Variants in RELN observed in about 807,000 individuals in gnomAD.
The protein encoded by RELN is reelin.
RELN carries 108 observed loss-of-function variants against 427.6 expected under a neutral mutation model. That is an observed-to-expected ratio of 0.25 (90% CI 0.22 to 0.30). The LOEUF (loss-of-function observed/expected upper bound fraction) is 0.30, where lower values mean the gene tolerates loss of function less well. Among genes scored for constraint, RELN ranks in the 10% least tolerant of loss-of-function variants. RELN has a pLI of 1.00. For missense variants in RELN, 3,715 were observed against 4,302.8 expected, an observed-to-expected ratio of 0.86 and a Z score of 3.82; for synonymous variants, 1,524 against 1,513.4, an observed-to-expected ratio of 1.01 and a Z score of -0.16.
At chr7:103,544,409 T>G (rs571015113) in intron 42 of RELN, among the ~76,000 whole-genome samples, 1 of 151,748 alleles carries the variant, frequency 6.6e-6, no homozygotes, top group Admixed American at 6.6e-5. Flanking sequence ...GTATTTTTAG[T>G]AGAGATGGGG....
intron 2 of RELN, among the ~76,000 whole-genome samples, chr7:103,903,445 G>C (rs1563080681): frequency 6.6e-6 from 1 of 152,026 alleles, no homozygotes; most frequent in South Asian, 2.1e-4. Flanking sequence ...CTGTGTTCCT[G>C]TTCATTCTCT....
At position 103,620,135 on chromosome 7, in the gene RELN, T is replaced by C. The variant is rs1832184169; in HGVS notation, c.2703-8332A>G. ...GATGGGTTCACCCATACTGTTCTCA[T>C]GGTAGTGGGTAAGTCTCATGAGAAC... On this transcript the variant is annotated intron_variant, in intron 20 of 64. Coordinates refer to ENST00000428762, the MANE Select transcript of RELN (RefSeq NM_005045.4). The surrounding 1 kb of genome is among the most constrained non-coding windows in gnomAD (Gnocchi z 4.1). Among the ~76,000 whole-genome samples, 1 of 152,160 alleles carries C rather than the reference T, an allele frequency of 6.6e-6. No individual in the cohort carries two copies. Among genetic ancestry groups the C allele is most frequent in the Non-Finnish European group, 1.5e-5 (1 of 68,012 alleles).
At chr7:103,933,875 T>G (rs543695540) in intron 1 of RELN, among the ~76,000 whole-genome samples, 15 of 152,218 alleles carry the variant, frequency 9.9e-5, no homozygotes, top group African/African-American at 3.4e-4. Flanking sequence ...GTTGTTGTTG[T>G]TTTCCACTTT....
At position 103,487,808 on chromosome 7, in the gene RELN, G is replaced by A. The variant is rs562515487; in HGVS notation, c.9764-1392C>T. On this transcript the variant is annotated intron_variant, in intron 60 of 64. Coordinates refer to ENST00000428762, the MANE Select transcript of RELN (RefSeq NM_005045.4). Reference sequence around the variant, plus strand: ...AAGAGCAGTGTCTATATTTTAACTCGTTGGATTCCAGCACCTAAAACAATA... The same window carrying A: ...AAGAGCAGTGTCTATATTTTAACTCATTGGATTCCAGCACCTAAAACAATA... 6.8e-4 allele frequency among the ~76,000 whole-genome samples: 104 copies of A among 152,250 alleles called. 1 individual carries two copies. Among genetic ancestry groups the A allele is most frequent in the Non-Finnish European group, 1.0e-3 (70 of 68,026 alleles).
chr7:103,611,938 T>C, intron 20 of RELN, 135 bp from the exon 21 acceptor site: 1 of 732,728 alleles, frequency 1.4e-6, no homozygotes, highest in Non-Finnish European at 2.3e-6. Flanking sequence ...CTAGAATGGA[T>C]TTCGGTCAAT....
At chr7:103,892,605 T>C (rs1794874716) in intron 2 of RELN, among the ~76,000 whole-genome samples, 1 of 152,194 alleles carries the variant, frequency 6.6e-6, no homozygotes, top group Non-Finnish European at 1.5e-5. Flanking sequence ...TTTTGGAGTC[T>C]TTAGAGATTT....
chr7:103,622,577 A>G (rs938388614), intron 20 of RELN, among the ~76,000 whole-genome samples: 6 of 152,184 alleles, frequency 3.9e-5, no homozygotes, highest in African/African-American at 9.7e-5. Flanking sequence ...CTATGAAGCT[A>G]TATGATCTAG....
chr7:103,717,474 A>AT (rs1328456755), intron 8 of RELN, among the ~76,000 whole-genome samples: 6 of 143,194 alleles, frequency 4.2e-5, no homozygotes, highest in East Asian at 2.0e-4. Context: ...TATTCCATAT[A>AT]TAAAACAAAA....
intron 41 of RELN, among the ~76,000 whole-genome samples, chr7:103,548,216 T>C (rs1048046225): frequency 6.6e-6 from 1 of 152,242 alleles, no homozygotes; most frequent in Admixed American, 6.5e-5. Context: ...AAATGGACTA[T>C]ATATGTAGAA....
chr7:103,714,731 C>T (rs1006843717), intron 8 of RELN, among the ~76,000 whole-genome samples: 1 of 152,110 alleles, frequency 6.6e-6, no homozygotes, highest in Non-Finnish European at 1.5e-5. Flanking sequence ...GTTACTGTAT[C>T]GGATAATGCT....
intron 3 of RELN, among the ~76,000 whole-genome samples, chr7:103,826,410 T>C (rs1165805633): frequency 7.3e-5 from 11 of 150,804 alleles, no homozygotes; most frequent in Middle Eastern, 3.2e-3. Flanking sequence ...GCAAAATAAG[T>C]TCTTTAAAAA....
intron 14 of RELN, among the ~76,000 whole-genome samples, 183 bp from the exon 15 acceptor site, chr7:103,651,972 C>T (rs1285963042): frequency 6.6e-6 from 1 of 152,026 alleles, no homozygotes; most frequent in African/African-American, 2.4e-5. Context: ...TTTCAAAGGG[C>T]AATCAGTTAA....
At chr7:103,815,464 T>C (rs1308837691) in intron 3 of RELN, among the ~76,000 whole-genome samples, 4 of 152,186 alleles carry the variant, frequency 2.6e-5, no homozygotes, top group Non-Finnish European at 5.9e-5. Flanking sequence ...AAGTTATCTA[T>C]GAAAATTTAA....
At chr7:103,797,112 C>T (rs1177170979) in intron 3 of RELN, among the ~76,000 whole-genome samples, 4 of 151,832 alleles carry the variant, frequency 2.6e-5, no homozygotes, top group Admixed American at 6.6e-5. Flanking sequence ...TGAGACAGAG[C>T]GTCGCTCTTG....
intron 3 of RELN, among the ~76,000 whole-genome samples, chr7:103,816,168 CAG>C (rs1792863749): frequency 6.6e-6 from 1 of 152,130 alleles, no homozygotes; most frequent in Non-Finnish European, 1.5e-5. Context: ...CATTTGAGGT[CAG>C]GAGATCAAGG....
chr7:103,858,615 A>T lies in RELN; in HGVS notation c.338-24943T>A, dbSNP rs560952388. 3.6e-3 allele frequency among the ~76,000 whole-genome samples: 548 copies of T among 152,272 alleles called. 4 individuals carry two copies. The highest frequency in any genetic ancestry group is 0.017 in the Middle Eastern group (5 of 294). ...CATCATTAAAACAATATGGCATATA[A>T]TACTTAGCTTATTTACATGAGCCTT... is the stretch of plus-strand genomic sequence containing the variant. On this transcript the variant is annotated intron_variant, in intron 2 of 64. Coordinates refer to ENST00000428762, the MANE Select transcript of RELN (RefSeq NM_005045.4).
chr7:103,555,076 G>A (rs1407921798), intron 38 of RELN, among the ~76,000 whole-genome samples: 1 of 152,078 alleles, frequency 6.6e-6, no homozygotes, highest in Non-Finnish European at 1.5e-5. Flanking sequence ...GAATATATAG[G>A]AAACTAGGGA....
intron 2 of RELN, among the ~76,000 whole-genome samples, chr7:103,889,065 G>T (rs1032067749): frequency 1.3e-5 from 2 of 152,182 alleles, no homozygotes; most frequent in African/African-American, 4.8e-5. Context: ...TGTTTCTGAC[G>T]AGAGAAAATG....
At chr7:103,985,784 C>T (rs978664438) in intron 1 of RELN, among the ~76,000 whole-genome samples, 1 of 152,086 alleles carries the variant, frequency 6.6e-6, no homozygotes, top group Non-Finnish European at 1.5e-5. Context: ...GGAAAAGGAA[C>T]GACCATGGGT....
Sources: gnomAD v4.1 joint callset for allele counts (sites outside exome capture counted in the v4.1 genomes callset) on GRCh38, gnomAD v4.1.1 for gene constraint, Gnocchi (gnomAD v3.1) non-coding constraint, MANE v1.5 for transcripts, NCBI Gene and HGNC (gene_info 2026-07-23, HGNC 2026-07-21) for gene names.